Variants in HDAC9 observed in about 807,000 individuals in gnomAD.
HDAC9 encodes MEF-2 interacting transcription repressor (MITR) protein.
A neutral mutation model predicts 139.4 loss-of-function variants in HDAC9; 41 were observed. That is an observed-to-expected ratio of 0.29 (90% CI 0.23 to 0.38). HDAC9 has a LOEUF of 0.38. HDAC9 is among the 10% of genes least tolerant of loss of function. The pLI is 1.00. For synonymous variants in HDAC9, 517 were observed against 476.2 expected (o/e 1.09, Z -1.12); for missense variants, 1,147 against 1,297.0 (o/e 0.88, Z 1.78).
intron 16 of HDAC9, among the ~76,000 whole-genome samples, chr7:18,792,208 T>C (rs148560699): frequency 1.9e-3 from 284 of 152,046 alleles, no homozygotes; most frequent in African/African-American, 6.6e-3. Flanking sequence ...TGTGTTGTTA[T>C]TATTTATTGT....
intron 14 of HDAC9, among the ~76,000 whole-genome samples, chr7:18,761,700 C>G (rs112508089): frequency 1.3e-5 from 2 of 152,046 alleles, no homozygotes; most frequent in African/African-American, 2.4e-5. Context: ...AAGTCATTAG[C>G]GTATCTGTGA....
chr7:18,339,462 A>G (rs540190028), intron 1 of HDAC9, among the ~76,000 whole-genome samples: 1 of 151,336 alleles, frequency 6.6e-6, no homozygotes, highest in Non-Finnish European at 1.5e-5. Context: ...ATATGTTTTC[A>G]TTTTCATTGT....
At chr7:18,341,592 C>T (rs1364485088) in intron 1 of HDAC9, among the ~76,000 whole-genome samples, 1 of 151,400 alleles carries the variant, frequency 6.6e-6, no homozygotes, top group Non-Finnish European at 1.5e-5. Flanking sequence ...CTATTTTGTT[C>T]TTTCTAATGT....
chr7:18,902,561 C>T (rs927004500), intron 22 of HDAC9, among the ~76,000 whole-genome samples: 3 of 151,976 alleles, frequency 2.0e-5, no homozygotes, highest in African/African-American at 7.3e-5. Context: ...TTTTGAGAAC[C>T]CCCTCTAACA....
intron 1 of HDAC9, among the ~76,000 whole-genome samples, chr7:18,469,104 A>G (rs769953465): frequency 1.3e-5 from 2 of 152,202 alleles, no homozygotes; most frequent in Non-Finnish European, 2.9e-5. Context: ...ACAGATAGCC[A>G]CCAGGTTTTT....
At chr7:18,549,325 G>C (rs556236624) in intron 2 of HDAC9, among the ~76,000 whole-genome samples, 1 of 152,154 alleles carries the variant, frequency 6.6e-6, no homozygotes, top group African/African-American at 2.4e-5. Flanking sequence ...TAAAACTTAT[G>C]TTCGCACAGA....
At chr7:18,441,193 T>C (rs1458971191) in intron 1 of HDAC9, among the ~76,000 whole-genome samples, 1 of 152,234 alleles carries the variant, frequency 6.6e-6, no homozygotes, top group South Asian at 2.1e-4. Context: ...TTCTGTTCGT[T>C]TGTTAATAGC....
chr7:18,356,384 T>TTTC (rs1783301341), intron 1 of HDAC9, among the ~76,000 whole-genome samples: 1 of 143,312 alleles, frequency 7.0e-6, no homozygotes, highest in South Asian at 2.4e-4. Context: ...TTTTTTTTTT[T>TTTC]TAAAGACAAC....
intron 2 of HDAC9, among the ~76,000 whole-genome samples, chr7:18,225,011 C>T (rs1418844214): frequency 2.0e-5 from 3 of 151,970 alleles, no homozygotes; most frequent in African/African-American, 7.2e-5. Context: ...TACTTACAGG[C>T]ATAGTTGGCT....
chr7:18,524,051 A>C (rs1392976383), intron 2 of HDAC9, among the ~76,000 whole-genome samples: 3 of 152,128 alleles, frequency 2.0e-5, no homozygotes, highest in Non-Finnish European at 4.4e-5. Context: ...TACACTATGA[A>C]AACATAGAGG....
intron 1 of HDAC9, among the ~76,000 whole-genome samples, chr7:18,375,270 G>C (rs996972406): frequency 2.6e-5 from 4 of 152,272 alleles, no homozygotes; most frequent in Admixed American, 6.5e-5. Context: ...AGGAGTTTGA[G>C]ACCAGCCTGA....
At chr7:18,325,251 G>A (rs1012419018) in intron 1 of HDAC9, among the ~76,000 whole-genome samples, 7 of 152,026 alleles carry the variant, frequency 4.6e-5, no homozygotes, top group African/African-American at 1.4e-4. Flanking sequence ...GATGCTCAGC[G>A]CTTTTCAAAA....
chr7:18,935,139 T>C (rs1329600965), intron 22 of HDAC9, among the ~76,000 whole-genome samples: 1 of 152,192 alleles, frequency 6.6e-6, no homozygotes, highest in Non-Finnish European at 1.5e-5. Context: ...AGGAGGAGGA[T>C]AGCTACTGTC....
In HDAC9 at chr7:18,212,719, G is replaced by A. The variant is rs1180765519; in HGVS notation, c.25+50370G>A. ...CTTGAGATACTAAAATGGCCAGGGA[G>A]CAGGTAAGTTCCAAAGATTAGGTTT... On this transcript the variant is annotated intron_variant, in intron 2 of 12. Transcript: ENST00000417496. 2.0e-5 allele frequency among the ~76,000 whole-genome samples: 3 copies of A among 152,184 alleles called. No homozygotes were observed. In the South Asian group the frequency reaches 6.2e-4, roughly 31 times the overall value.
chr7:18,215,998 G>A (rs1032218862), intron 2 of HDAC9, among the ~76,000 whole-genome samples: 6 of 151,788 alleles, frequency 4.0e-5, no homozygotes, highest in South Asian at 2.1e-4. Flanking sequence ...CTCTCGTCTC[G>A]CACCTCTTCA....
At chr7:18,354,309 G>A (rs903014158) in intron 1 of HDAC9, among the ~76,000 whole-genome samples, 2 of 151,956 alleles carry the variant, frequency 1.3e-5, no homozygotes, top group Non-Finnish European at 2.9e-5. Flanking sequence ...GTAGTTTATG[G>A]GCTAAAGGTA....
rs767357228 is a variant in HDAC9 at position 18,585,261 on chromosome 7, C to T, written c.23-20C>T. On this transcript the variant is annotated intron_variant, in intron 2 of 25. Transcript: ENST00000686413. ...TATTACCCTCCCCCACCCCATTTCC[C>T]TTTTTTTCTGGTTCTTTAGTGGATG... The T allele has an allele frequency of 3.7e-6, 6 of 1,609,588 alleles. No homozygotes were observed. In the Admixed American group the frequency reaches 8.4e-5, roughly 23 times the overall value.
At chr7:18,167,324 T>C (rs1246620879) in intron 2 of HDAC9, among the ~76,000 whole-genome samples, 1 of 152,190 alleles carries the variant, frequency 6.6e-6, no homozygotes, top group Non-Finnish European at 1.5e-5. Flanking sequence ...ATTCATTCTC[T>C]AGTTTTTGAA....
chr7:18,239,922 C>T (rs2128189255), intron 2 of HDAC9, among the ~76,000 whole-genome samples: 1 of 150,034 alleles, frequency 6.7e-6, no homozygotes, highest in South Asian at 2.1e-4. Flanking sequence ...TATCCTTGTA[C>T]AGCTCGCCTT....
Sources: allele counts gnomAD v4.1 joint callset (sites outside exome capture counted in the v4.1 genomes callset), GRCh38; gene constraint gnomAD v4.1.1; transcripts MANE v1.5; gene names NCBI Gene and HGNC (gene_info 2026-07-23, HGNC 2026-07-21).